The following DDAH1 variants were observed in gnomAD, a reference collection of about 807,000 sequenced individuals.
DDAH1 encodes N(G),N(G)-dimethylarginine dimethylaminohydrolase 1.
A neutral mutation model predicts 28.8 loss-of-function variants in DDAH1; 19 were observed. The ratio of observed to expected loss-of-function variants is 0.66; its 90% CI spans 0.46 to 0.97. DDAH1 has a LOEUF of 0.97. Among genes scored for constraint, DDAH1 ranks in the 50% least tolerant of loss-of-function variants. The pLI, the probability that DDAH1 is intolerant of heterozygous loss-of-function variation, is 0.00. For missense variants in DDAH1, 326 were observed against 375.9 expected, an observed-to-expected ratio of 0.87 and a Z score of 1.10; for synonymous variants, 153 against 154.4, an observed-to-expected ratio of 0.99 and a Z score of 0.07.
At chr1:85,343,575 C>A (rs574856127) in intron 4 of DDAH1, among the ~76,000 whole-genome samples, 1 of 152,332 alleles carries the variant, frequency 6.6e-6, no homozygotes, top group East Asian at 1.9e-4. Context: ...TGTCAGTATG[C>A]CTTTCATAGC....
chr1:85,400,951 A>G (rs1652074400), intron 1 of DDAH1, among the ~76,000 whole-genome samples: 1 of 152,204 alleles, frequency 6.6e-6, no homozygotes, highest in Admixed American at 6.5e-5. Flanking sequence ...ACAATGGTAC[A>G]TAAATGAAAA....
intron 1 of DDAH1, among the ~76,000 whole-genome samples, chr1:85,508,137 T>C (rs1289510299): frequency 6.6e-6 from 1 of 152,230 alleles, no homozygotes; most frequent in African/African-American, 2.4e-5. Flanking sequence ...GGAAGTGACA[T>C]GTTCTGTGAT....
intron 1 of DDAH1, among the ~76,000 whole-genome samples, chr1:85,562,129 A>T (rs1659159459): frequency 6.6e-6 from 1 of 152,166 alleles, no homozygotes; most frequent in Non-Finnish European, 1.5e-5. Flanking sequence ...AATCCCTAAT[A>T]ATCCAAGGTA....
At chr1:85,478,794 G>A (rs964292949) in intron 2 of DDAH1, among the ~76,000 whole-genome samples, 10 of 152,104 alleles carry the variant, frequency 6.6e-5, no homozygotes, top group Non-Finnish European at 1.5e-4. Context: ...GGTCATTGAC[G>A]GGTAAGTTGG....
intron 1 of DDAH1, among the ~76,000 whole-genome samples, chr1:85,384,235 C>T (rs1215113489): frequency 6.6e-6 from 1 of 152,150 alleles, no homozygotes; most frequent in African/African-American, 2.4e-5. Context: ...TGGGTAGTTC[C>T]TCTTATGCGT....
intron 2 of DDAH1, among the ~76,000 whole-genome samples, chr1:85,478,912 G>C: frequency 6.6e-6 from 1 of 152,182 alleles, no homozygotes. Flanking sequence ...TTACATTACT[G>C]TATAATGCTG....
chr1:85,430,014 CTCATT>C (rs1487228593), intron 1 of DDAH1, among the ~76,000 whole-genome samples: 4 of 152,062 alleles, frequency 2.6e-5, no homozygotes, highest in Non-Finnish European at 5.9e-5. Flanking sequence ...TTAAATATAT[CTCATT>C]TGTCAATTTT....
At chr1:85,442,846 C>T (rs1229972244) in intron 1 of DDAH1, among the ~76,000 whole-genome samples, 2 of 152,182 alleles carry the variant, frequency 1.3e-5, no homozygotes, top group African/African-American at 2.4e-5. Flanking sequence ...AGAATCTGCT[C>T]ATATCCTTTG....
rs1647284585 is a variant in DDAH1, at chr1:85,324,969, TG to T, written c.598-87del. On this transcript the variant is annotated intron_variant, in intron 4 of 5. Coordinates refer to ENST00000284031, the MANE Select transcript of DDAH1 (RefSeq NM_012137.4). ...AAGGCAGTGTGGTAGGATACAAGCT[TG>T]GAACTGACACTTTAGGCTGTTCCTC... The T allele has an allele frequency of 2.0e-6, 3 of 1,506,180 alleles. No individual in the cohort carries two copies. The Admixed American group carries it at 5.4e-5, about 27-fold the overall frequency. 93.3% of individuals were successfully genotyped at this position (1,506,180 alleles called of 1,614,324 possible).
intron 1 of DDAH1, among the ~76,000 whole-genome samples, chr1:85,533,894 T>C (rs1658176553): frequency 6.6e-6 from 1 of 152,158 alleles, no homozygotes; most frequent in African/African-American, 2.4e-5. Flanking sequence ...AAGCAGAAAA[T>C]GTCATTATGG....
At chr1:85,566,537 T>C (rs529788147) in intron 1 of DDAH1, among the ~76,000 whole-genome samples, 3 of 148,750 alleles carry the variant, frequency 2.0e-5, no homozygotes, top group Admixed American at 6.7e-5. Context: ...TAGTAGAGAA[T>C]GTCACATTGA....
intron 2 of DDAH1, among the ~76,000 whole-genome samples, chr1:85,487,809 C>T (rs1001502677): frequency 6.6e-6 from 1 of 152,076 alleles, no homozygotes; most frequent in Non-Finnish European, 1.5e-5. Context: ...AGTATATTTT[C>T]TCTTCTTTTT....
chr1:85,569,679 G>A (rs1350919181), intron 1 of DDAH1, among the ~76,000 whole-genome samples: 1 of 152,202 alleles, frequency 6.6e-6, no homozygotes. Flanking sequence ...GCCCAGCTAT[G>A]CACGCTGGCC....
At chr1:85,332,144 A>T (rs535411266) in intron 4 of DDAH1, among the ~76,000 whole-genome samples, 1 of 152,268 alleles carries the variant, frequency 6.6e-6, no homozygotes, top group African/African-American at 2.4e-5. Flanking sequence ...TTAGTTCTGG[A>T]CAGATAGAGA....
intron 1 of DDAH1, among the ~76,000 whole-genome samples, chr1:85,433,578 A>G (rs960242198): frequency 6.6e-6 from 1 of 152,186 alleles, no homozygotes; most frequent in Non-Finnish European, 1.5e-5. Context: ...TAGGCAAACA[A>G]CATGCATAAA....
intron 4 of DDAH1, among the ~76,000 whole-genome samples, chr1:85,335,025 G>GC (rs1337927955): frequency 6.6e-6 from 1 of 152,012 alleles, no homozygotes; most frequent in Non-Finnish European, 1.5e-5. Context: ...AGCCCTCCAA[G>GC]AAATGCTTGA....
chr1:85,535,290 A>G (rs1658237388), intron 1 of DDAH1, among the ~76,000 whole-genome samples: 2 of 150,158 alleles, frequency 1.3e-5, no homozygotes, highest in Admixed American at 1.3e-4. Flanking sequence ...TCGTATTTTT[A>G]AAGATCTCTA....
chr1:85,438,027 G>GC (rs1654020790), intron 1 of DDAH1, among the ~76,000 whole-genome samples: 1 of 152,140 alleles, frequency 6.6e-6, no homozygotes, highest in African/African-American at 2.4e-5. Context: ...GTCCTTCGCC[G>GC]CAACATGGAT....
intron 1 of DDAH1, among the ~76,000 whole-genome samples, chr1:85,503,516 TTCATCTA>T (rs1391205480): frequency 6.7e-6 from 1 of 149,696 alleles, no homozygotes; most frequent in African/African-American, 2.5e-5. Flanking sequence ...TTCTTTAAAG[TTCATCTA>T]TCTATCTATC....
Sources: gnomAD v4.1 joint callset for allele counts (sites outside exome capture counted in the v4.1 genomes callset) on GRCh38, gnomAD v4.1.1 for gene constraint, MANE v1.5 for transcripts, NCBI Gene and HGNC (gene_info 2026-07-23, HGNC 2026-07-21) for gene names.